NPHP1: variants seen among roughly 807,000 people sequenced by gnomAD.
NPHP1 encodes nephrocystin 1.
NPHP1 carries 70 observed loss-of-function variants against 90.4 expected under a neutral mutation model. That is an observed-to-expected ratio of 0.77 (90% CI 0.64 to 0.95). The LOEUF is 0.95. Among genes scored for constraint, NPHP1 ranks in the 40% least tolerant of loss-of-function variants. NPHP1 has a pLI of 0.00. For missense variants in NPHP1, 764 were observed against 795.9 expected (o/e 0.96, Z 0.48); for synonymous variants, 256 against 271.7 (o/e 0.94, Z 0.57).
intron 17 of NPHP1, among the ~76,000 whole-genome samples, chr2:110,130,264 A>G (rs1050420152): frequency 2.6e-5 from 4 of 152,218 alleles, no homozygotes; most frequent in African/African-American, 9.6e-5. Context: ...AGGGCAAGGT[A>G]TTCTATAATC....
rs1476345567 is a variant in NPHP1 at position 110,170,105 on chromosome 2, C to T, written c.330-107G>A. 3 of 1,390,540 alleles carry T rather than the reference C, an allele frequency of 2.2e-6. No individual in the cohort carries two copies. In the Admixed American group the frequency reaches 5.1e-5, roughly 24 times the overall value. The allele number at this position is 1,390,540 out of a possible 1,614,324, so 86.1% of individuals were successfully genotyped here. On this transcript the variant is annotated intron_variant, in intron 4 of 19. Transcript: ENST00000445609. ...ATGAATATCCCATATTTGGAGCTGG[C>T]AAATAAAAGAAATAAGGGAAAATAC...
intron 13 of NPHP1, 70 bp from the exon 14 acceptor site, chr2:110,146,905 C>T: frequency 8.2e-6 from 9 of 1,091,998 alleles, no homozygotes; most frequent in Middle Eastern, 2.0e-4. Context: ...ATACCAAGTC[C>T]TTTTAAAGGA....
intron 2 of NPHP1, among the ~76,000 whole-genome samples, chr2:110,198,914 A>G (rs1685365238): frequency 6.6e-6 from 1 of 152,130 alleles, no homozygotes; most frequent in Admixed American, 6.5e-5. Flanking sequence ...GGCAACGTGA[A>G]GATAAAATTT....
intron 2 of NPHP1, chr2:110,184,394 A>C (rs1684135445): frequency 3.2e-6 from 2 of 615,730 alleles, no homozygotes; most frequent in African/African-American, 3.7e-5. Context: ...TCACTGAGGC[A>C]CCTTTAAACC....
intron 2 of NPHP1, among the ~76,000 whole-genome samples, chr2:110,192,824 C>T (rs917815182): frequency 6.6e-5 from 10 of 152,152 alleles, no homozygotes; most frequent in African/African-American, 2.4e-4. Context: ...AGAAACTCTA[C>T]AAGCCAGAAG....
At chr2:110,189,936 T>G (rs2104662206) in intron 2 of NPHP1, among the ~76,000 whole-genome samples, 1 of 152,148 alleles carries the variant, frequency 6.6e-6, no homozygotes, top group South Asian at 2.1e-4. Context: ...TGCCGATTGG[T>G]GTGTTTACAA....
chr2:110,144,558 A>G lies in NPHP1; in HGVS notation c.1364T>C (p.Leu455Pro). 6.3e-7 allele frequency: 1 copy of G among 1,595,700 alleles called. No individual in the cohort carries two copies. Among genetic ancestry groups the G allele is most frequent in the Non-Finnish European group, 8.6e-7 (1 of 1,163,446 alleles). Residue 455 changes from leucine (L) to proline (P), a missense_variant, in exon 15 of 20, where the codon CTT becomes CCT. Physicochemically the swap from Leu to Pro is moderately conservative, Grantham distance 98. Coordinates refer to ENST00000445609, the MANE Select transcript of NPHP1 (RefSeq NM_001128178.3). ...ATAAGGAGTACCACCATTCAAGAAA[A>G]GCTCATAAGTTCTATAAAAGAATAA... ...GVPIPAKTYE[L>P]FLNGGTPYEK...
chr2:110,166,679 T>C (rs910295117), intron 6 of NPHP1, among the ~76,000 whole-genome samples: 10 of 152,196 alleles, frequency 6.6e-5, no homozygotes, highest in African/African-American at 2.4e-4. Context: ...TCCACACTTT[T>C]ATGCTTGAGA....
intron 4 of NPHP1, among the ~76,000 whole-genome samples, chr2:110,173,380 T>G (rs1315959860): frequency 1.3e-5 from 2 of 152,182 alleles, no homozygotes; most frequent in African/African-American, 4.8e-5. Context: ...TGGTTCATTT[T>G]GGTTAATGTT....
chr2:110,202,607 T>C (rs942279407), intron 1 of NPHP1: 3 of 265,144 alleles, frequency 1.1e-5, no homozygotes, highest in African/African-American at 6.5e-5. Context: ...GTTTTAATAA[T>C]CATTTTTATA....
chr2:110,141,977 A>G (rs1467508658), intron 16 of NPHP1, among the ~76,000 whole-genome samples: 1 of 150,058 alleles, frequency 6.7e-6, no homozygotes, highest in Non-Finnish European at 1.5e-5. Context: ...TGTCTCAAAA[A>G]AAAAAAAAAA....
chr2:110,185,841 C>A (rs1465252126), intron 2 of NPHP1, among the ~76,000 whole-genome samples: 1 of 152,176 alleles, frequency 6.6e-6, no homozygotes, highest in Non-Finnish European at 1.5e-5. Flanking sequence ...GAGTAGTACT[C>A]CCCCTGAATG....
chr2:110,155,688 T>C (rs1470237608), intron 11 of NPHP1, among the ~76,000 whole-genome samples: 1 of 152,176 alleles, frequency 6.6e-6, no homozygotes, highest in African/African-American at 2.4e-5. Flanking sequence ...ATGGGGCCTG[T>C]AGCCTCTTTG....
chr2:110,146,672 G>T, intron 14 of NPHP1, 81 bp downstream of exon 14: 1 of 1,032,154 alleles, frequency 9.7e-7, no homozygotes, highest in Non-Finnish European at 1.5e-6. Flanking sequence ...CATGCTCATA[G>T]AACAAACCTG....
In NPHP1 at chr2:110,142,852, GA is replaced by G. The variant is rs145108100; in HGVS notation, c.1529+689del. ...TTTGCTTTTGCACCATGGTAAAGTT[GA>G]AAAATCTTGAGTAAGTCAGGGACAG... On this transcript the variant is annotated intron_variant, in intron 16 of 19. Coordinates refer to ENST00000445609, the MANE Select transcript of NPHP1 (RefSeq NM_001128178.3). 1.2e-4 allele frequency among the ~76,000 whole-genome samples: 18 copies of G among 152,252 alleles called. No homozygotes were observed. In the East Asian group the frequency reaches 3.3e-3, roughly 28 times the overall value.
At chr2:110,194,889 A>G (rs2104686900) in intron 2 of NPHP1, among the ~76,000 whole-genome samples, 1 of 144,898 alleles carries the variant, frequency 6.9e-6, no homozygotes, top group East Asian at 2.3e-4. Flanking sequence ...GCATATAAAC[A>G]GAACCAACGA....
chr2:110,126,110 T>C (rs537633276), intron 18 of NPHP1: 1 of 207,974 alleles, frequency 4.8e-6, no homozygotes, highest in South Asian at 8.7e-5. Flanking sequence ...TGAGACAGAC[T>C]GAAGTACAAT....
chr2:110,157,852 C>G (rs988740952), intron 11 of NPHP1, among the ~76,000 whole-genome samples: 1 of 152,128 alleles, frequency 6.6e-6, no homozygotes, highest in African/African-American at 2.4e-5. Context: ...TTCACATTGA[C>G]CGTTATCAGC....
chr2:110,167,606 C>T (rs1279632597), intron 6 of NPHP1, among the ~76,000 whole-genome samples: 1 of 152,078 alleles, frequency 6.6e-6, no homozygotes, highest in African/African-American at 2.4e-5. Flanking sequence ...CTGGTAAATG[C>T]AAGGAAAGTG....
Sources: gnomAD v4.1 joint callset for allele counts (sites outside exome capture counted in the v4.1 genomes callset) on GRCh38, gnomAD v4.1.1 for gene constraint, MANE v1.5 for transcripts, NCBI Gene and HGNC (gene_info 2026-07-23, HGNC 2026-07-21) for gene names.